The following SPG11 variants were observed in gnomAD, a reference collection of about 807,000 sequenced individuals.
SPG11 encodes the protein SPG11 vesicle trafficking associated, spatacsin, also known as spatacsin.
SPG11 carries 222 observed loss-of-function variants against 274.0 expected under a neutral mutation model. That is an observed-to-expected ratio of 0.81 (90% CI 0.73 to 0.91). The LOEUF is 0.91. Ranked by LOEUF, SPG11 falls within the 40% of genes least tolerant of loss-of-function variation. SPG11 has a pLI of 0.00. For missense variants in SPG11, 3,114 were observed against 2,872.7 expected, an observed-to-expected ratio of 1.08 and a Z score of -1.92; for synonymous variants, 1,144 against 1,039.7, an observed-to-expected ratio of 1.10 and a Z score of -1.93.
rs1238885225 is a variant in SPG11 at position 44,563,121 on chromosome 15, C to G, written c.7332G>C (p.Ter2444TyrextTer4). ...GCCLKDMLAG* is the reference protein window; with the variant it reads ...GCCLKDMLAGY ...AGAAAACAGACACCTATGAAATCAT[C>G]TAACCTGCTAGCATGTCCTTTAGAC... The change falls in exon 40 of 40, where the codon TAG becomes TAC. Residue 2444 changes from the stop codon to tyrosine, a stop_lost. Transcript: ENST00000261866. 3.7e-6 allele frequency: 6 copies of G among 1,613,836 alleles called. No homozygotes were observed. Among genetic ancestry groups the G allele is most frequent in the Admixed American group, 1.7e-5 (1 of 59,996 alleles).
At chr15:44,620,701 A>G in intron 14 of SPG11, 1 of 261,200 alleles carries the variant, frequency 3.8e-6, no homozygotes, top group Non-Finnish European at 7.1e-6. Flanking sequence ...TGACCAGGTA[A>G]ATTTTTTTTT....
chr15:44,645,204 C>A (rs1204320703), intron 7 of SPG11, among the ~76,000 whole-genome samples: 2 of 152,284 alleles, frequency 1.3e-5, no homozygotes, highest in South Asian at 2.1e-4. Context: ...CTTCACATCA[C>A]CTGACTTCAA....
intron 7 of SPG11, among the ~76,000 whole-genome samples, chr15:44,642,110 T>C (rs1018451042): frequency 3.9e-5 from 6 of 151,986 alleles, no homozygotes; most frequent in African/African-American, 1.4e-4. Context: ...CTCACACCTG[T>C]AATCCCAGCA....
At chr15:44,609,735 CTTTT>C (rs752969781) in intron 18 of SPG11, among the ~76,000 whole-genome samples, 1 of 140,864 alleles carries the variant, frequency 7.1e-6, no homozygotes, top group Admixed American at 7.2e-5. Context: ...CCCCGCCCAG[CTTTT>C]TTTTTTTTTT....
At chr15:44,589,104 T>A in intron 28 of SPG11, 148 bp downstream of exon 28, 1 of 736,594 alleles carries the variant, frequency 1.4e-6, no homozygotes, top group South Asian at 1.6e-5. Context: ...AACCACAATT[T>A]AAAGTTCTCT....
chr15:44,627,116 A>G (rs2083922884), intron 10 of SPG11, among the ~76,000 whole-genome samples: 1 of 152,180 alleles, frequency 6.6e-6, no homozygotes, highest in Admixed American at 6.6e-5. Context: ...AGCCACTGAA[A>G]GACCGTAAAA....
rs769986384 is a variant in SPG11 at position 44,565,831 on chromosome 15, C to G, written c.6999+23G>C. 1.2e-5 allele frequency: 20 copies of G among 1,613,624 alleles called. No individual in the cohort carries two copies. In the East Asian group the frequency reaches 1.8e-4, roughly 14 times the overall value. ...GGAGAGAGGATGCTAGCAGTGCTGG[C>G]TACAGTTTGCTTTCTTGCTCACCTG... On this transcript the variant is annotated intron_variant, in intron 38 of 39. Transcript: ENST00000261866.
intron 27 of SPG11, among the ~76,000 whole-genome samples, chr15:44,589,672 A>T (rs2082853851): frequency 6.6e-6 from 1 of 152,240 alleles, no homozygotes; most frequent in Non-Finnish European, 1.5e-5. Context: ...TGTGTGAAAA[A>T]GATGGGCAAG....
At position 44,571,529 on chromosome 15, in the gene SPG11, G is replaced by A. The variant is rs1486635420; in HGVS notation, c.6344-871C>T. ...TTTTTTTTTTTTGAGATGGAGGCTT[G>A]CTCTGTTGCCCAGGCTGGAGTGCAG... On this transcript the variant is annotated intron_variant, in intron 33 of 39. Coordinates refer to ENST00000261866, the MANE Select transcript of SPG11 (RefSeq NM_025137.4). Among the ~76,000 whole-genome samples, 3 of 122,832 alleles carry A rather than the reference G, an allele frequency of 2.4e-5. No homozygotes were observed. In the East Asian group the frequency reaches 7.3e-4, roughly 30 times the overall value. The allele number at this position is 122,832 out of a possible 152,430, so 80.6% of individuals were successfully genotyped here.
chr15:44,565,131 T>G (rs1434717838), intron 38 of SPG11, among the ~76,000 whole-genome samples: 1 of 152,196 alleles, frequency 6.6e-6, no homozygotes, highest in Non-Finnish European at 1.5e-5. Flanking sequence ...AAGGGCTGAT[T>G]CCCTGATAAT....
In SPG11 at chr15:44,662,458, A is replaced by C. The variant is rs547944638; in HGVS notation, c.257+933T>G. The stretch of plus-strand genomic sequence containing the variant: ...GGGAGAGGCGGGATCACTTGAGCCC[A>C]GGAGCTTGAGACTAGCCTAGGCAAC... On this transcript the variant is annotated intron_variant, in intron 1 of 39. Coordinates refer to ENST00000261866, the MANE Select transcript of SPG11 (RefSeq NM_025137.4). Among the ~76,000 whole-genome samples the C allele has an allele frequency of 3.0e-3, 463 of 152,174 alleles. 3 individuals are homozygous for C. The highest frequency in any genetic ancestry group is 5.0e-3 in the Non-Finnish European group (343 of 67,994).
intron 19 of SPG11, 132 bp from the exon 20 acceptor site, chr15:44,606,223 T>C (rs947814197): frequency 4.2e-6 from 3 of 707,198 alleles, no homozygotes; most frequent in Non-Finnish European, 7.4e-6. Flanking sequence ...ATTCTGGACA[T>C]AAATTCTTTG....
chr15:44,627,883 C>A (rs1286557738), intron 10 of SPG11, among the ~76,000 whole-genome samples: 1 of 152,168 alleles, frequency 6.6e-6, no homozygotes. Flanking sequence ...GCCACCGTAC[C>A]CGGATAATTT....
At chr15:44,601,107 G>A (rs151260334) in intron 20 of SPG11, among the ~76,000 whole-genome samples, 221 of 152,094 alleles carry the variant, frequency 1.5e-3, no homozygotes, top group African/African-American at 3.0e-3. Context: ...AGCCAAGATC[G>A]CGCCATTGCA....
At chr15:44,631,021 AG>A (rs1326013851) in intron 8 of SPG11, among the ~76,000 whole-genome samples, 2 of 152,236 alleles carry the variant, frequency 1.3e-5, no homozygotes, top group Non-Finnish European at 2.9e-5. Context: ...TCTCCATGTA[AG>A]CAGACTACAA....
At chr15:44,611,059 A>G (rs2083446928) in intron 17 of SPG11, 74 bp from the exon 18 acceptor site, 4 of 1,272,734 alleles carry the variant, frequency 3.1e-6, no homozygotes, top group South Asian at 1.2e-5. Flanking sequence ...AAATGTGAGA[A>G]CAATAACATA....
At chr15:44,635,935 GAAA>G (rs2084235703) in intron 7 of SPG11, among the ~76,000 whole-genome samples, 2 of 151,252 alleles carry the variant, frequency 1.3e-5, no homozygotes, top group Non-Finnish European at 2.9e-5. Context: ...AAAAAAGAAA[GAAA>G]AATTTGCCAC....
chr15:44,651,023 C>T (rs2084758198), intron 6 of SPG11, among the ~76,000 whole-genome samples: 1 of 152,202 alleles, frequency 6.6e-6, no homozygotes, highest in African/African-American at 2.4e-5. Context: ...GCTGGGATTA[C>T]AGGCGTGAGC....
chr15:44,574,761 G>T, intron 31 of SPG11, 141 bp downstream of exon 31: 2 of 1,052,118 alleles, frequency 1.9e-6, no homozygotes, highest in Non-Finnish European at 2.9e-6. Flanking sequence ...ATAAAATTAT[G>T]AGGGCCAACA....
Sources: gnomAD v4.1 joint callset for allele counts (sites outside exome capture counted in the v4.1 genomes callset) on GRCh38, gnomAD v4.1.1 for gene constraint, MANE v1.5 for transcripts, NCBI Gene and HGNC (gene_info 2026-07-23, HGNC 2026-07-21) for gene names.